RASGRP1: variants seen among roughly 807,000 people sequenced by gnomAD.
RASGRP1 encodes the protein RAS guanyl releasing protein 1.
A neutral mutation model predicts 95.1 loss-of-function variants in RASGRP1; 37 were observed. The observed-to-expected ratio is 0.39, with a 90% CI of 0.30 to 0.51. RASGRP1 has a LOEUF of 0.51. Among genes scored for constraint, RASGRP1 ranks in the 20% least tolerant of loss-of-function variants. RASGRP1 has a pLI of 0.80. For synonymous variants in RASGRP1, 325 were observed against 353.4 expected, an observed-to-expected ratio of 0.92 and a Z score of 0.90; for missense variants, 711 against 965.4, an observed-to-expected ratio of 0.74 and a Z score of 3.49.
chr15:38,508,035 G>A (rs537383478), intron 8 of RASGRP1, 34 bp from the exon 9 acceptor site: 15 of 1,565,710 alleles, frequency 9.6e-6, no homozygotes, highest in East Asian at 9.4e-5. Context: ...ACAGGTACCC[G>A]CTAGGCAGTG....
Position 38,564,600 on chromosome 15 carries a change from G to C in RASGRP1, c.29C>G (p.Ala10Gly). 1 of 1,380,764 alleles carries C rather than the reference G, an allele frequency of 7.2e-7. No individual in the cohort carries two copies. Among genetic ancestry groups the C allele is most frequent in the Admixed American group, 2.6e-5 (1 of 38,114 alleles). 85.5% of individuals were successfully genotyped at this position (1,380,764 alleles called of 1,614,324 possible). A position where few individuals can be genotyped will look rare whatever the true frequency, so the allele number is the denominator to read the frequency against. Residue 10 changes from alanine to glycine, a missense_variant, in exon 1 of 17, where the codon GCT (alanine) becomes GGT (glycine). Transcript: ENST00000310803. MGTLGKARE[A>G]PRKPSHGCRA... ...CACGGCCGCCTCTACTCACCGCGGA[G>C]CCTCTCTCGCCTTGCCCAGGGTGCC...
intron 2 of RASGRP1, chr15:38,534,370 T>C (rs1892555988): frequency 6.6e-6 from 1 of 151,386 alleles, no homozygotes; most frequent in Non-Finnish European, 1.5e-5. Context: ...ACCTGGTATG[T>C]CATACCCTGG....
At chr15:38,549,679 C>T (rs531518879) in intron 2 of RASGRP1, among the ~76,000 whole-genome samples, 1 of 152,276 alleles carries the variant, frequency 6.6e-6, no homozygotes, top group South Asian at 2.1e-4. Flanking sequence ...TTCCCTCTTC[C>T]CCCTCTAGTC....
At chr15:38,537,109 C>T (rs1167789671) in intron 2 of RASGRP1, among the ~76,000 whole-genome samples, 88 of 151,582 alleles carry the variant, frequency 5.8e-4, no homozygotes, top group Non-Finnish European at 1.2e-4. Flanking sequence ...TTTTTTGTCC[C>T]TTAACTATGA....
rs559279371 is a variant in RASGRP1, at chr15:38,514,408, A to AC, written c.676-1453dup. On this transcript the variant is annotated intron_variant, in intron 6 of 16. Transcript: ENST00000310803. ...ATATATTCCAGTGAATACATTTAAT[A>AC]CCCCCCTCCCACTATAAATATAACT... Among the ~76,000 whole-genome samples the AC allele has an allele frequency of 2.0e-3, 300 of 152,002 alleles. 1 individual carries two copies. The highest frequency in any genetic ancestry group is 0.015 in the South Asian group (72 of 4,808).
At chr15:38,512,627 A>G (rs773700327) in intron 7 of RASGRP1, among the ~76,000 whole-genome samples, 156 bp downstream of exon 7, 2 of 152,148 alleles carry the variant, frequency 1.3e-5, no homozygotes, top group Non-Finnish European at 1.5e-5. Flanking sequence ...ACAAGTCACC[A>G]TATCTAGATC....
At chr15:38,510,010 A>T (rs1003240128) in intron 8 of RASGRP1, among the ~76,000 whole-genome samples, 5 of 152,222 alleles carry the variant, frequency 3.3e-5, no homozygotes, top group Admixed American at 3.3e-4. Context: ...CCAATGGTGC[A>T]GGTGAGCCCT....
chr15:38,494,132 G>T (rs901345765), intron 16 of RASGRP1, among the ~76,000 whole-genome samples: 2 of 152,190 alleles, frequency 1.3e-5, no homozygotes, highest in African/African-American at 4.8e-5. Flanking sequence ...GCCCTGTATA[G>T]CCTGTGCTAC....
chr15:38,511,339 T>C (rs1891504680), intron 8 of RASGRP1, among the ~76,000 whole-genome samples: 1 of 152,162 alleles, frequency 6.6e-6, no homozygotes. Flanking sequence ...CCTATGAACA[T>C]GGGAAGAGGC....
chr15:38,559,697 CA>C, intron 2 of RASGRP1, 123 bp downstream of exon 2: 1 of 1,051,584 alleles, frequency 9.5e-7, no homozygotes, highest in East Asian at 2.6e-5. Flanking sequence ...TCCAACATTT[CA>C]AAGGCTCAAA....
At chr15:38,491,496 G>T (rs1890580358) in intron 16 of RASGRP1, among the ~76,000 whole-genome samples, 1 of 152,108 alleles carries the variant, frequency 6.6e-6, no homozygotes, top group Admixed American at 6.6e-5. Context: ...GTATAAAACT[G>T]CAGAGTTGAG....
At chr15:38,541,972 A>T (rs757713116) in intron 2 of RASGRP1, among the ~76,000 whole-genome samples, 38 of 152,204 alleles carry the variant, frequency 2.5e-4, no homozygotes, top group Non-Finnish European at 4.7e-4. Context: ...TCAGATTCTG[A>T]TAGACTAAGA....
At chr15:38,505,805 CTGTTACA>C in intron 10 of RASGRP1, 28 bp downstream of exon 10, 3 of 1,496,384 alleles carry the variant, frequency 2.0e-6, no homozygotes, top group Non-Finnish European at 2.8e-6. Context: ...TGTAAAGCAC[CTGTTACA>C]TGTGGAGTCT....
At chr15:38,518,842 A>G (rs943067524) in intron 4 of RASGRP1, among the ~76,000 whole-genome samples, 1 of 152,222 alleles carries the variant, frequency 6.6e-6, no homozygotes, top group African/African-American at 2.4e-5. Context: ...TGACTAGAGA[A>G]GATTCTCATG....
chr15:38,505,388 A>T (rs1358018885), intron 10 of RASGRP1, among the ~76,000 whole-genome samples: 2 of 152,198 alleles, frequency 1.3e-5, no homozygotes, highest in Non-Finnish European at 2.9e-5. Context: ...ACCAACCTGG[A>T]AATCTTCAGA....
At chr15:38,491,736 G>A (rs147880934) in intron 16 of RASGRP1, among the ~76,000 whole-genome samples, 1 of 152,208 alleles carries the variant, frequency 6.6e-6, no homozygotes, top group East Asian at 1.9e-4. Flanking sequence ...ACACATAATT[G>A]TTCCTCTAAA....
intron 3 of RASGRP1, among the ~76,000 whole-genome samples, chr15:38,520,249 G>T (rs1336776654): frequency 6.6e-6 from 1 of 152,194 alleles, no homozygotes; most frequent in Non-Finnish European, 1.5e-5. Flanking sequence ...CCTTCTAAAA[G>T]CTGTGCATAA....
intron 15 of RASGRP1, among the ~76,000 whole-genome samples, chr15:38,496,406 ATC>A (rs1266453504): frequency 3.3e-5 from 5 of 152,160 alleles, no homozygotes; most frequent in African/African-American, 2.4e-5. Context: ...GAGAGGAGAA[ATC>A]TCTAACAACT....
At chr15:38,499,019 T>G in intron 14 of RASGRP1, 73 bp from the exon 15 acceptor site, 1 of 1,583,652 alleles carries the variant, frequency 6.3e-7, no homozygotes, top group Non-Finnish European at 8.7e-7. Context: ...ACAACCAAAT[T>G]CATGCAGTGC....
Sources: gnomAD v4.1 joint callset for allele counts (sites outside exome capture counted in the v4.1 genomes callset) on GRCh38, gnomAD v4.1.1 for gene constraint, MANE v1.5 for transcripts, NCBI Gene and HGNC (gene_info 2026-07-23, HGNC 2026-07-21) for gene names.